The following MECOM variants were observed in gnomAD, a reference collection of about 807,000 sequenced individuals.
The protein encoded by MECOM is MDS1 and EVI1 complex locus.
Under a neutral mutation model 116.3 loss-of-function variants are expected in MECOM, and 13 were observed. The observed-to-expected ratio is 0.11, with a 90% CI of 0.07 to 0.18. MECOM has a LOEUF of 0.18. Ranked by LOEUF, MECOM falls within the 10% of genes least tolerant of loss-of-function variation. The probability of loss-of-function intolerance (pLI) is 1.00; values close to 1 mark genes in which losing one functional copy is unlikely to be tolerated. For synonymous variants in MECOM, 528 were observed against 535.2 expected, an observed-to-expected ratio of 0.99 and a Z score of 0.19; for missense variants, 1,299 against 1,509.0, an observed-to-expected ratio of 0.86 and a Z score of 2.31.
chr3:169,203,251 A>G (rs1749438449), intron 2 of MECOM, among the ~76,000 whole-genome samples: 1 of 152,130 alleles, frequency 6.6e-6, no homozygotes, highest in African/African-American at 2.4e-5. Context: ...CCAATTGATC[A>G]ACACACATCT....
chr3:169,148,019 A>T (rs1449131855), intron 2 of MECOM, among the ~76,000 whole-genome samples: 2 of 152,028 alleles, frequency 1.3e-5, no homozygotes, highest in African/African-American at 2.4e-5. Context: ...GCTAAGCATT[A>T]AAAAAAATTT....
chr3:169,121,460 T>G (rs972429351), intron 6 of MECOM, among the ~76,000 whole-genome samples: 1 of 152,200 alleles, frequency 6.6e-6, no homozygotes, highest in African/African-American at 2.4e-5. Context: ...AATGGCACTA[T>G]TAGGCCATAT....
At chr3:169,646,139 T>C (rs1315859458) in intron 1 of MECOM, among the ~76,000 whole-genome samples, 82 of 152,174 alleles carry the variant, frequency 5.4e-4, no homozygotes, top group Non-Finnish European at 1.2e-4. Context: ...ATCCAGTCTA[T>C]CACTGATGGA....
chr3:169,546,008 G>T (rs1199594748), intron 1 of MECOM, among the ~76,000 whole-genome samples: 4 of 152,104 alleles, frequency 2.6e-5, no homozygotes, highest in Admixed American at 2.6e-4. Flanking sequence ...TCATGTAAAG[G>T]AAGCGCTAGG....
chr3:169,137,818 G>A (rs549386433), intron 3 of MECOM, among the ~76,000 whole-genome samples: 8 of 152,108 alleles, frequency 5.3e-5, no homozygotes, highest in African/African-American at 1.2e-4. Context: ...GCATAAATAC[G>A]GCAATTGATA....
intron 1 of MECOM, among the ~76,000 whole-genome samples, chr3:169,646,490 A>C (rs891595131): frequency 6.6e-6 from 1 of 152,138 alleles, no homozygotes; most frequent in African/African-American, 2.4e-5. Flanking sequence ...AAAATTAAAA[A>C]AGAACTAGAT....
At chr3:169,413,371 A>T (rs1286161042) in intron 1 of MECOM, among the ~76,000 whole-genome samples, 1 of 152,110 alleles carries the variant, frequency 6.6e-6, no homozygotes, top group Admixed American at 6.5e-5. Context: ...AGACCAGGAG[A>T]TTCCATCAGG....
At chr3:169,617,564 A>G (rs1158855145) in intron 1 of MECOM, among the ~76,000 whole-genome samples, 1 of 152,242 alleles carries the variant, frequency 6.6e-6, no homozygotes. Flanking sequence ...AATGAAGTTA[A>G]GAAACTTGAC....
intron 2 of MECOM, among the ~76,000 whole-genome samples, chr3:169,378,463 A>G (rs531849911): frequency 0.038 from 2,121 of 55,506 alleles, 260 homozygotes; most frequent in African/African-American, 0.16. Flanking sequence ...GAAAGCAAGC[A>G]AGCAAGCAAG....
At position 169,534,170 on chromosome 3, in the gene MECOM, G is replaced by A. The variant is rs78884786; in HGVS notation, c.37+129166C>T. On this transcript the variant is annotated intron_variant, in intron 1 of 16. Transcript: ENST00000651503. ...GATTTGTATTTCCTCTTTTAACCAA[G>A]GTTTCTTTTGTTAATCTGTATACTT... is the stretch of plus-strand genomic sequence containing the variant. Among the ~76,000 whole-genome samples the A allele has an allele frequency of 1.9e-3, 293 of 152,192 alleles. 3 individuals carry two copies. In the East Asian group the frequency reaches 0.047, roughly 24 times the overall value.
intron 3 of MECOM, chr3:169,133,337 A>G (rs1002438663): frequency 1.3e-5 from 2 of 152,210 alleles, no homozygotes; most frequent in Non-Finnish European, 2.9e-5. Context: ...AAAGATGAGA[A>G]CTTTGTACGT....
chr3:169,603,847 C>A (rs1355796711), intron 1 of MECOM, among the ~76,000 whole-genome samples: 4 of 152,106 alleles, frequency 2.6e-5, no homozygotes, highest in East Asian at 3.9e-4. Flanking sequence ...CCCAAACATA[C>A]CCCTGTCATA....
chr3:169,546,344 G>A (rs1468206341), intron 1 of MECOM, among the ~76,000 whole-genome samples: 1 of 152,128 alleles, frequency 6.6e-6, no homozygotes, highest in Non-Finnish European at 1.5e-5. Flanking sequence ...CAACATGACT[G>A]TAAAATATAC....
chr3:169,557,152 T>C (rs1762134675), intron 1 of MECOM, among the ~76,000 whole-genome samples: 1 of 152,148 alleles, frequency 6.6e-6, no homozygotes, highest in Admixed American at 6.6e-5. Flanking sequence ...TTGGGTGCCC[T>C]CTGTGTACAG....
intron 2 of MECOM, among the ~76,000 whole-genome samples, chr3:169,154,730 A>T (rs1050125425): frequency 1.3e-5 from 2 of 152,186 alleles, no homozygotes; most frequent in Non-Finnish European, 2.9e-5. Context: ...CATGAAGAGG[A>T]TATAGGATAT....
intron 2 of MECOM, among the ~76,000 whole-genome samples, chr3:169,175,846 G>A (rs951093535): frequency 7.9e-5 from 12 of 152,140 alleles, no homozygotes; most frequent in Admixed American, 5.9e-4. Flanking sequence ...AGACCCTCAT[G>A]CAAACATCTC....
chr3:169,194,967 G>A (rs1024434623), intron 2 of MECOM, among the ~76,000 whole-genome samples: 4 of 151,976 alleles, frequency 2.6e-5, no homozygotes, highest in Non-Finnish European at 5.9e-5. Context: ...TGGTAGAGAC[G>A]GGACTGTGGA....
intron 1 of MECOM, among the ~76,000 whole-genome samples, chr3:169,574,289 T>C (rs1764245692): frequency 6.6e-6 from 1 of 152,220 alleles, no homozygotes; most frequent in Non-Finnish European, 1.5e-5. Context: ...GATCTGGTGA[T>C]TTCACCGAGA....
At chr3:169,126,235 G>C (rs1732789377) in intron 5 of MECOM, among the ~76,000 whole-genome samples, 1 of 152,064 alleles carries the variant, frequency 6.6e-6, no homozygotes, top group East Asian at 1.9e-4. Flanking sequence ...GGCAGATTAA[G>C]AGGCTTTCTC....
Sources: allele counts gnomAD v4.1 joint callset (sites outside exome capture counted in the v4.1 genomes callset), GRCh38; gene constraint gnomAD v4.1.1; transcripts MANE v1.5; gene names NCBI Gene and HGNC (gene_info 2026-07-23, HGNC 2026-07-21).